VAV3: variants seen among roughly 807,000 people sequenced by gnomAD.
The protein encoded by VAV3 is vav guanine nucleotide exchange factor 3.
VAV3 carries 94 observed loss-of-function variants against 131.2 expected under a neutral mutation model. The ratio of observed to expected loss-of-function variants is 0.72; its 90% CI spans 0.61 to 0.85. VAV3 has a LOEUF of 0.85. Ranked by LOEUF, VAV3 falls within the 40% of genes least tolerant of loss-of-function variation. The probability of loss-of-function intolerance (pLI) is 0.00; values close to 1 mark genes in which losing one functional copy is unlikely to be tolerated. For missense variants in VAV3, 939 were observed against 1,002.7 expected (o/e 0.94, Z 0.86); for synonymous variants, 349 against 342.0 (o/e 1.02, Z -0.22).
At chr1:107,609,553 A>AAAT (rs980043573) in intron 22 of VAV3, 3 of 156,654 alleles carry the variant, frequency 1.9e-5, no homozygotes, top group Admixed American at 6.4e-5. Context: ...TAAAAAATAA[A>AAAT]AAAAAAAACT....
chr1:107,751,058 T>C, intron 13 of VAV3, 59 bp downstream of exon 13: 2 of 1,516,972 alleles, frequency 1.3e-6, no homozygotes, highest in Non-Finnish European at 9.0e-7. Context: ...GTCTTTAAGG[T>C]TTTCTCAGTT....
intron 8 of VAV3, 102 bp downstream of exon 8, chr1:107,766,345 A>T: frequency 1.4e-6 from 1 of 714,804 alleles, no homozygotes; most frequent in Non-Finnish European, 2.4e-6. Flanking sequence ...CTCAGGTAGT[A>T]ATGTAATAAA....
At chr1:107,848,922 C>T (rs549545751) in intron 2 of VAV3, among the ~76,000 whole-genome samples, 1 of 152,232 alleles carries the variant, frequency 6.6e-6, no homozygotes, top group South Asian at 2.1e-4. Flanking sequence ...CATTCCTATA[C>T]ACCAATCAGA....
At chr1:107,920,496 A>C (rs1672843641) in intron 1 of VAV3, among the ~76,000 whole-genome samples, 1 of 152,178 alleles carries the variant, frequency 6.6e-6, no homozygotes, top group African/African-American at 2.4e-5. Flanking sequence ...TGCTCATCTA[A>C]AACAATATGA....
At chr1:107,722,286 T>C (rs1160580197) in intron 15 of VAV3, among the ~76,000 whole-genome samples, 1 of 152,204 alleles carries the variant, frequency 6.6e-6, no homozygotes, top group Non-Finnish European at 1.5e-5. Flanking sequence ...GAGTAAAATA[T>C]TCTGCAGAGC....
At chr1:107,607,057 TG>T (rs1317789282) in intron 22 of VAV3, among the ~76,000 whole-genome samples, 2 of 151,144 alleles carry the variant, frequency 1.3e-5, no homozygotes, top group African/African-American at 4.9e-5. Flanking sequence ...AGGGTTCAAG[TG>T]ATTCTCCTGC....
chr1:107,753,897 A>G (rs1292624218), intron 12 of VAV3, among the ~76,000 whole-genome samples: 1 of 152,074 alleles, frequency 6.6e-6, no homozygotes, highest in African/African-American at 2.4e-5. Context: ...TTTAAAGGCT[A>G]CACAGCTGTC....
chr1:107,627,368 C>A (rs1037845172), intron 20 of VAV3, among the ~76,000 whole-genome samples: 1 of 152,052 alleles, frequency 6.6e-6, no homozygotes, highest in South Asian at 2.1e-4. Context: ...ATTTTTATGT[C>A]TAATTATGAA....
intron 25 of VAV3, among the ~76,000 whole-genome samples, chr1:107,582,659 G>A (rs1241395076): frequency 1.3e-5 from 2 of 148,844 alleles, no homozygotes; most frequent in Admixed American, 1.4e-4. Context: ...GAGAATATGT[G>A]GTGTTTGGTT....
intron 19 of VAV3, among the ~76,000 whole-genome samples, chr1:107,669,639 GT>G (rs1327367566): frequency 6.6e-6 from 1 of 151,860 alleles, no homozygotes; most frequent in Non-Finnish European, 1.5e-5. Context: ...ATTTATGATT[GT>G]TTAAATTGGT....
At chr1:107,701,918 T>G (rs923871978) in intron 17 of VAV3, among the ~76,000 whole-genome samples, 2 of 152,212 alleles carry the variant, frequency 1.3e-5, no homozygotes, top group African/African-American at 4.8e-5. Flanking sequence ...AGTTCCAAAC[T>G]TTCCCACATC....
intron 25 of VAV3, among the ~76,000 whole-genome samples, chr1:107,577,006 C>T (rs1649702677): frequency 7.3e-6 from 1 of 136,752 alleles, no homozygotes; most frequent in Non-Finnish European, 1.7e-5. Context: ...ACCACTCTGA[C>T]TCTTATAGCT....
intron 20 of VAV3, among the ~76,000 whole-genome samples, chr1:107,631,645 A>G (rs1350882182): frequency 9.9e-6 from 1 of 100,880 alleles, no homozygotes; most frequent in Non-Finnish European, 1.8e-5. Flanking sequence ...ACCCCACAAC[A>G]GGCCCCAGAG....
At chr1:107,589,856 T>C (rs891551586) in intron 25 of VAV3, among the ~76,000 whole-genome samples, 2 of 152,188 alleles carry the variant, frequency 1.3e-5, no homozygotes, top group African/African-American at 2.4e-5. Flanking sequence ...TCTATTCTAT[T>C]GTAATATAAC....
intron 20 of VAV3, among the ~76,000 whole-genome samples, chr1:107,634,946 C>G (rs978014927): frequency 1.3e-5 from 2 of 149,782 alleles, no homozygotes; most frequent in African/African-American, 4.9e-5. Context: ...GTTAGAATGG[C>G]AATCATTAAA....
chr1:107,872,224 T>C (rs1443929497), intron 2 of VAV3, among the ~76,000 whole-genome samples: 1 of 152,130 alleles, frequency 6.6e-6, no homozygotes, highest in Admixed American at 6.6e-5. Flanking sequence ...AGCTTCCTCA[T>C]CTGAAGAATG....
intron 25 of VAV3, among the ~76,000 whole-genome samples, chr1:107,575,913 T>A (rs1649611916): frequency 6.6e-6 from 1 of 152,176 alleles, no homozygotes; most frequent in Non-Finnish European, 1.5e-5. Context: ...AAAATGCCCA[T>A]GCACAAACCG....
intron 13 of VAV3, among the ~76,000 whole-genome samples, chr1:107,750,842 ACTTT>A (rs918400505): frequency 2.6e-5 from 4 of 152,176 alleles, no homozygotes; most frequent in African/African-American, 7.2e-5. Flanking sequence ...ATCTGTTCTT[ACTTT>A]ATCGCTCTTC....
chr1:107,940,777 T>C (rs1203649911), intron 1 of VAV3, among the ~76,000 whole-genome samples: 2 of 152,038 alleles, frequency 1.3e-5, no homozygotes, highest in African/African-American at 4.8e-5. Flanking sequence ...TCTAGAGTAG[T>C]CAAATTCAGA....
Sources: gnomAD v4.1 joint callset for allele counts (sites outside exome capture counted in the v4.1 genomes callset) on GRCh38, gnomAD v4.1.1 for gene constraint, MANE v1.5 for transcripts, NCBI Gene and HGNC (gene_info 2026-07-23, HGNC 2026-07-21) for gene names.